The following PARD3B variants were observed in gnomAD, a reference collection of about 807,000 sequenced individuals.
PARD3B encodes the protein par-3 family cell polarity regulator beta.
PARD3B carries 103 observed loss-of-function variants against 130.2 expected under a neutral mutation model. That is an observed-to-expected ratio of 0.79 (90% CI 0.67 to 0.93). The LOEUF (loss-of-function observed/expected upper bound fraction) is 0.93, where lower values mean the gene tolerates loss of function less well. PARD3B is among the 40% of genes least tolerant of loss of function. PARD3B has a pLI of 0.00. For synonymous variants in PARD3B, 583 were observed against 553.2 expected (o/e 1.05, Z -0.76); for missense variants, 1,609 against 1,499.2 (o/e 1.07, Z -1.21).
intron 21 of PARD3B, among the ~76,000 whole-genome samples, chr2:205,532,261 CT>C (rs2051631878): frequency 6.6e-6 from 1 of 151,992 alleles, no homozygotes; most frequent in African/African-American, 2.4e-5. Flanking sequence ...ATTTTAGAGG[CT>C]TTAAAAATAT....
chr2:204,799,586 G>A lies in PARD3B; in HGVS notation c.222+113304G>A, dbSNP rs548125726. Among the ~76,000 whole-genome samples the A allele has an allele frequency of 6.6e-6, 1 of 152,174 alleles. No homozygotes were observed. The highest frequency in any genetic ancestry group is 1.5e-5 in the Non-Finnish European group (1 of 68,030). On this transcript the variant is annotated intron_variant, in intron 2 of 22. Transcript: ENST00000406610. The surrounding 1 kb of genome is among the most constrained non-coding windows in gnomAD (Gnocchi z 4.1). ...AGACCCAGTGCTATGCTGGCTTCAG[G>A]TGTGACACAATGCAGACTCAGTGGT...
chr2:205,543,994 T>A (rs2052280115), intron 21 of PARD3B, among the ~76,000 whole-genome samples: 1 of 152,180 alleles, frequency 6.6e-6, no homozygotes. Flanking sequence ...CATTTAAGAA[T>A]TGAACATATT....
In PARD3B at chr2:204,689,126, G is replaced by C. The variant is rs1574711166; in HGVS notation, c.222+2844G>C. 1.3e-5 allele frequency among the ~76,000 whole-genome samples: 2 copies of C among 152,142 alleles called. No homozygotes were observed. The highest frequency in any genetic ancestry group is 4.1e-4 in the South Asian group (2 of 4,828). On this transcript the variant is annotated intron_variant, in intron 2 of 22. Transcript: ENST00000406610. This position sits in a 1 kb window ranked among gnomAD's most constrained non-coding sequence, Gnocchi z 5.2. ...TAGAAACTAGAGGTTAAATGATATT[G>C]TACTTCAAATTAGAGAAGGCTCTAA... is the stretch of plus-strand genomic sequence containing the variant.
intron 3 of PARD3B, among the ~76,000 whole-genome samples, chr2:205,028,707 A>G (rs866536699): frequency 6.6e-6 from 1 of 152,270 alleles, no homozygotes; most frequent in African/African-American, 2.4e-5. Context: ...AACAAAAGAC[A>G]TCCGAATTAG....
intron 1 of PARD3B, among the ~76,000 whole-genome samples, chr2:204,612,072 G>A (rs573230582): frequency 2.0e-5 from 3 of 152,264 alleles, no homozygotes; most frequent in African/African-American, 7.2e-5. Context: ...GATTATTCTT[G>A]AAATATGAGA....
intron 1 of PARD3B, among the ~76,000 whole-genome samples, chr2:204,592,164 G>C (rs1022057551): frequency 6.6e-6 from 1 of 152,194 alleles, no homozygotes; most frequent in African/African-American, 2.4e-5. Flanking sequence ...AGGTCTGAGG[G>C]GACCAACCGC....
chr2:205,434,525 T>C (rs1013468377), intron 19 of PARD3B, among the ~76,000 whole-genome samples: 2 of 152,166 alleles, frequency 1.3e-5, no homozygotes, highest in Admixed American at 6.5e-5. Flanking sequence ...AAGTGACATA[T>C]AACAGTTTCA....
rs2125713110 is a variant in PARD3B, at chr2:205,158,774, C to T, written c.1487C>T (p.Thr496Ile). ...TCTCTGGAGACAAGCGAGCAGCTCA[C>T]CTTTGAGATCCCCCTGAATGATTCA... ...ALSLETSEQL[T>I]FEIPLNDSGS... Residue 496 changes from threonine (T) to isoleucine (I), a missense_variant, in exon 11 of 23, where the codon ACC (threonine) becomes ATC (isoleucine). Physicochemically the swap from Thr to Ile is moderately conservative, Grantham distance 89. Transcript: ENST00000406610. The surrounding 1 kb of genome is among the most constrained non-coding windows in gnomAD (Gnocchi z 5.4). The T allele has an allele frequency of 6.2e-7, 1 of 1,614,158 alleles. No homozygotes were observed. Among genetic ancestry groups the T allele is most frequent in the East Asian group, 2.2e-5 (1 of 44,890 alleles).
chr2:204,670,451 C>T (rs1430226716), intron 1 of PARD3B, among the ~76,000 whole-genome samples: 2 of 152,160 alleles, frequency 1.3e-5, no homozygotes, highest in African/African-American at 4.8e-5. Flanking sequence ...GCAGTCACTC[C>T]AAACCCTTCA....
At chr2:205,534,263 G>T (rs2051738456) in intron 21 of PARD3B, among the ~76,000 whole-genome samples, 1 of 152,200 alleles carries the variant, frequency 6.6e-6, no homozygotes, top group Non-Finnish European at 1.5e-5. Context: ...GTAAATATCA[G>T]GCCATGATAA....
At chr2:204,970,734 T>C (rs1691629817) in intron 3 of PARD3B, among the ~76,000 whole-genome samples, 1 of 152,262 alleles carries the variant, frequency 6.6e-6, no homozygotes, top group Non-Finnish European at 1.5e-5. Context: ...TAAATAGTTT[T>C]TCAGGATAAA....
intron 3 of PARD3B, among the ~76,000 whole-genome samples, chr2:205,012,170 T>C (rs1406852902): frequency 6.6e-6 from 1 of 152,172 alleles, no homozygotes; most frequent in Non-Finnish European, 1.5e-5. Flanking sequence ...CCTTATGTTT[T>C]CACTTCCCAT....
intron 6 of PARD3B, among the ~76,000 whole-genome samples, chr2:205,115,436 A>G (rs1323420898): frequency 6.6e-6 from 1 of 152,164 alleles, no homozygotes; most frequent in East Asian, 1.9e-4. Flanking sequence ...CTTGTAAAAC[A>G]CCTAATGTAT....
chr2:205,051,966 A>G (rs976560021), intron 4 of PARD3B, among the ~76,000 whole-genome samples: 2 of 152,074 alleles, frequency 1.3e-5, no homozygotes, highest in African/African-American at 2.4e-5. Context: ...AGCAAATCCA[A>G]CTCTATTGAC....
intron 21 of PARD3B, among the ~76,000 whole-genome samples, chr2:205,505,848 T>C (rs1163071111): frequency 6.6e-6 from 1 of 152,152 alleles, no homozygotes. Context: ...AAGAGCTGAA[T>C]AGCAGTATCA....
At chr2:205,601,889 C>G (rs749106911) in intron 22 of PARD3B, among the ~76,000 whole-genome samples, 3 of 152,078 alleles carry the variant, frequency 2.0e-5, no homozygotes, top group Non-Finnish European at 2.9e-5. Flanking sequence ...CCTCATTGCC[C>G]TGGCCAGAAC....
At chr2:205,059,359 A>G (rs1699926224) in intron 4 of PARD3B, among the ~76,000 whole-genome samples, 1 of 151,948 alleles carries the variant, frequency 6.6e-6, no homozygotes, top group African/African-American at 2.4e-5. Context: ...GAGAGTTATA[A>G]TTTTTCACAT....
intron 21 of PARD3B, among the ~76,000 whole-genome samples, chr2:205,526,590 G>A (rs558645448): frequency 3.3e-5 from 5 of 152,130 alleles, no homozygotes; most frequent in Admixed American, 6.5e-5. Flanking sequence ...GCCTGGCCAC[G>A]TTTTCATTTT....
rs528802889 is a variant in PARD3B at position 204,931,553 on chromosome 2, G to A, written c.223-33599G>A. 5.9e-5 allele frequency among the ~76,000 whole-genome samples: 9 copies of A among 151,772 alleles called. 1 individual carries two copies. Among genetic ancestry groups the A allele is most frequent in the African/African-American group, 1.7e-4 (7 of 41,388 alleles). On this transcript the variant is annotated intron_variant, in intron 2 of 22. Coordinates refer to ENST00000406610, the MANE Select transcript of PARD3B (RefSeq NM_001302769.2). ...AGATAGCCATTGTCCTTGTAACATG[G>A]GGTATAATTTACTTTGAAGTATAAA...
Sources: allele counts gnomAD v4.1 joint callset (sites outside exome capture counted in the v4.1 genomes callset), GRCh38; gene constraint gnomAD v4.1.1; non-coding constraint Gnocchi (gnomAD v3.1); transcripts MANE v1.5; gene names NCBI Gene and HGNC (gene_info 2026-07-23, HGNC 2026-07-21).